Variants in MEIOB observed in about 807,000 individuals in gnomAD.
MEIOB encodes the protein meiosis-specific with OB domain-containing protein.
A neutral mutation model predicts 53.1 loss-of-function variants in MEIOB; 50 were observed. That is an observed-to-expected ratio of 0.94 (90% CI 0.75 to 1.19). The LOEUF (loss-of-function observed/expected upper bound fraction) is 1.19. Ranked by LOEUF, MEIOB falls within the 50% of genes most tolerant of loss-of-function variation. The probability of loss-of-function intolerance (pLI) is 0.00; values close to 1 mark genes in which losing one functional copy is unlikely to be tolerated. For missense variants in MEIOB, 551 were observed against 550.8 expected (o/e 1.00, Z 0.00); for synonymous variants, 192 against 182.5 (o/e 1.05, Z -0.42).
At chr16:1,849,949 G>C (rs2492886) in intron 9 of MEIOB, among the ~76,000 whole-genome samples, 1 of 152,178 alleles carries the variant, frequency 6.6e-6, no homozygotes, top group African/African-American at 2.4e-5. Flanking sequence ...AAACAACATA[G>C]TGTATAAAAT....
intron 10 of MEIOB, 59 bp from the exon 11 acceptor site, chr16:1,842,032 C>A: frequency 8.4e-7 from 1 of 1,191,734 alleles, no homozygotes; most frequent in Non-Finnish European, 1.1e-6. Context: ...TAAAAGGTTA[C>A]ATCCGAATGG....
chr16:1,868,052 A>G (rs1018052586), intron 2 of MEIOB, 55 bp downstream of exon 2: 5 of 926,784 alleles, frequency 5.4e-6, no homozygotes, highest in Admixed American at 4.3e-5. Flanking sequence ...CATTGATGTA[A>G]TGTTATCACA....
At chr16:1,865,315 C>G (rs761587099) in intron 3 of MEIOB, among the ~76,000 whole-genome samples, 3 of 151,976 alleles carry the variant, frequency 2.0e-5, no homozygotes, top group Non-Finnish European at 4.4e-5. Context: ...GCCTGTAATT[C>G]CAGCTACTCG....
At chr16:1,848,929 C>T (rs1000651136) in intron 9 of MEIOB, among the ~76,000 whole-genome samples, 4 of 152,154 alleles carry the variant, frequency 2.6e-5, no homozygotes, top group African/African-American at 9.7e-5. Context: ...AAATTCTACA[C>T]ATGGGAATAG....
At chr16:1,859,579 C>G (rs1394699768) in intron 5 of MEIOB, among the ~76,000 whole-genome samples, 2 of 151,992 alleles carry the variant, frequency 1.3e-5, no homozygotes, top group South Asian at 2.1e-4. Context: ...GAAATACAAA[C>G]GTTCTTAGTG....
intron 3 of MEIOB, among the ~76,000 whole-genome samples, chr16:1,864,552 G>A (rs903146222): frequency 6.1e-5 from 9 of 147,314 alleles, no homozygotes; most frequent in African/African-American, 2.3e-4. Flanking sequence ...GCAATGGCGT[G>A]ATCTTGGCTC....
At chr16:1,840,749 A>C (rs1898884258) in intron 11 of MEIOB, among the ~76,000 whole-genome samples, 1 of 151,950 alleles carries the variant, frequency 6.6e-6, no homozygotes, top group Non-Finnish European at 1.5e-5. Flanking sequence ...ACAGGGTTTC[A>C]CCGTGTTAGC....
At chr16:1,856,410 C>T (rs1899305901) in intron 6 of MEIOB, among the ~76,000 whole-genome samples, 1 of 151,958 alleles carries the variant, frequency 6.6e-6, no homozygotes, top group African/African-American at 2.4e-5. Context: ...AGCTCTGCCT[C>T]CCGGGTTCAC....
At chr16:1,849,430 C>T (rs1899104058) in intron 9 of MEIOB, among the ~76,000 whole-genome samples, 1 of 151,180 alleles carries the variant, frequency 6.6e-6, no homozygotes, top group African/African-American at 2.4e-5. Flanking sequence ...CCTGTCGTCC[C>T]AGCTACTCGG....
chr16:1,864,880 T>A (rs1404133787), intron 3 of MEIOB, among the ~76,000 whole-genome samples: 1 of 152,196 alleles, frequency 6.6e-6, no homozygotes, highest in Admixed American at 6.6e-5. Flanking sequence ...TTCTGAAATT[T>A]GGTAAAAGGA....
In MEIOB at chr16:1,847,291, G is replaced by A. The variant is rs143391016; in HGVS notation, c.779-2328C>T. ...AGGCTGGCCAACATTGTGAAACCCC[G>A]TCTCTACTAAAAATGTAAAAATTAG... is the stretch of plus-strand genomic sequence containing the variant. On this transcript the variant is annotated intron_variant, in intron 9 of 13. Transcript: ENST00000325962. Among the ~76,000 whole-genome samples, 577 of 152,014 alleles carry A rather than the reference G, an allele frequency of 3.8e-3. 3 individuals are homozygous for A. The highest frequency in any genetic ancestry group is 0.012 in the African/African-American group (518 of 41,462).
chr16:1,865,431 C>A (rs1398441601), intron 3 of MEIOB, among the ~76,000 whole-genome samples: 20 of 144,098 alleles, frequency 1.4e-4, no homozygotes, highest in Admixed American at 1.4e-4. Context: ...GCCTCCATCT[C>A]AAAAAAAAAA....
At chr16:1,871,357 C>T (rs1899739512) in intron 1 of MEIOB, among the ~76,000 whole-genome samples, 1 of 90,976 alleles carries the variant, frequency 1.1e-5, no homozygotes, top group African/African-American at 4.3e-5. Context: ...GTAGCTGGGA[C>T]TACAGGCACT....
chr16:1,863,119 G>A (rs1899489138), intron 3 of MEIOB, among the ~76,000 whole-genome samples: 1 of 151,900 alleles, frequency 6.6e-6, no homozygotes, highest in Admixed American at 6.6e-5. Flanking sequence ...CTACTTGGGA[G>A]GCTGAGGAGG....
Position 1,839,199 on chromosome 16 carries a change from G to T in MEIOB, c.1218+56C>A. On this transcript the variant is annotated intron_variant, in intron 12 of 13. Coordinates refer to ENST00000325962, the MANE Select transcript of MEIOB (RefSeq NM_001163560.3). ...TGACAAAACAACCTATATTTTTTTGGGAAAAAGCATTCACTTTGGAAATAT... is the reference window on the plus strand; with the variant it reads ...TGACAAAACAACCTATATTTTTTTGTGAAAAAGCATTCACTTTGGAAATAT... The T allele has an allele frequency of 9.6e-6, 14 of 1,464,964 alleles. No homozygotes were observed. In the South Asian group the frequency reaches 1.0e-4, roughly 11 times the overall value. 90.7% of individuals were successfully genotyped at this position (1,464,964 alleles called of 1,614,324 possible). A position where few individuals can be genotyped will look rare whatever the true frequency, so the allele number is the denominator to read the frequency against.
At chr16:1,863,555 T>G (rs1899510442) in intron 3 of MEIOB, among the ~76,000 whole-genome samples, 1 of 151,620 alleles carries the variant, frequency 6.6e-6, no homozygotes, top group Admixed American at 6.6e-5. Flanking sequence ...CCTGGCTAAT[T>G]TTGTACTTTT....
In MEIOB at chr16:1,863,920, G is replaced by T. The variant is rs577282660; in HGVS notation, c.128-1804C>A. Among the ~76,000 whole-genome samples, 4 of 152,232 alleles carry T rather than the reference G, an allele frequency of 2.6e-5. No homozygotes were observed. In the East Asian group the frequency reaches 5.8e-4, roughly 22 times the overall value. On this transcript the variant is annotated intron_variant, in intron 3 of 13. Transcript: ENST00000325962. ...CCTGCCTATAATCCCGGCACCTTGG[G>T]AGGCCAAGGGGGTAAGATTGCTTCA...
intron 3 of MEIOB, among the ~76,000 whole-genome samples, chr16:1,862,668 C>G (rs1295106449): frequency 6.6e-6 from 1 of 151,956 alleles, no homozygotes; most frequent in Non-Finnish European, 1.5e-5. Context: ...CGCCTGTAAT[C>G]CTAACACTTT....
chr16:1,842,238 G>T (rs577480684), intron 10 of MEIOB, among the ~76,000 whole-genome samples: 1 of 152,134 alleles, frequency 6.6e-6, no homozygotes, highest in Non-Finnish European at 1.5e-5. Flanking sequence ...GCAAGCCACA[G>T]AGTGGGAGAT....
Sources: gnomAD v4.1 joint callset for allele counts (sites outside exome capture counted in the v4.1 genomes callset) on GRCh38, gnomAD v4.1.1 for gene constraint, MANE v1.5 for transcripts, NCBI Gene and HGNC (gene_info 2026-07-23, HGNC 2026-07-21) for gene names.